Variants in PRELID2 observed in about 807,000 individuals in gnomAD.
The protein encoded by PRELID2 is PRELI domain-containing protein 2.
A neutral mutation model predicts 28.4 loss-of-function variants in PRELID2; 25 were observed. The observed-to-expected ratio is 0.88, with a 90% CI of 0.64 to 1.23. The LOEUF is 1.23. Among genes scored for constraint, PRELID2 ranks in the 50% most tolerant of loss-of-function variants. The pLI is 0.00. For missense variants in PRELID2, 201 were observed against 214.4 expected (o/e 0.94, Z 0.39); for synonymous variants, 76 against 71.6 (o/e 1.06, Z -0.31).
the PRELID2 span, among the ~76,000 whole-genome samples, chr5:145,429,178 A>G: frequency 1.1e-3 from 172 of 152,268 alleles, no homozygotes; most frequent in African/African-American, 3.9e-3. Flanking sequence ...TGGGATAGAA[A>G]CCTATTGCAA....
At chr5:145,780,288 A>G (rs909000893) in intron 5 of PRELID2, among the ~76,000 whole-genome samples, 1 of 152,114 alleles carries the variant, frequency 6.6e-6, no homozygotes, top group African/African-American at 2.4e-5. Context: ...ACAAAGTGAG[A>G]CTCCGCCTCA....
chr5:145,724,062 A>G (rs951908261), intron 1 of PRELID2, among the ~76,000 whole-genome samples: 1 of 152,218 alleles, frequency 6.6e-6, no homozygotes, highest in African/African-American at 2.4e-5. Context: ...TAAGTTCAGC[A>G]TATATTGATA....
the PRELID2 span, among the ~76,000 whole-genome samples, chr5:145,318,642 C>A: frequency 6.6e-6 from 1 of 152,162 alleles, no homozygotes; most frequent in Non-Finnish European, 1.5e-5. Flanking sequence ...GGGGAGCATG[C>A]AGATGGGCAG....
the PRELID2 span, among the ~76,000 whole-genome samples, chr5:145,345,269 C>G: frequency 6.6e-6 from 1 of 151,950 alleles, no homozygotes; most frequent in Non-Finnish European, 1.5e-5. Flanking sequence ...GGGAATAGGA[C>G]AGCCCCTCTC....
chr5:145,457,659 G>A, the PRELID2 span, among the ~76,000 whole-genome samples: 1 of 152,146 alleles, frequency 6.6e-6, no homozygotes, highest in Admixed American at 6.5e-5. Context: ...TACTGCCACA[G>A]GTCTAAAGGA....
At chr5:145,387,020 T>A in the PRELID2 span, among the ~76,000 whole-genome samples, 3 of 152,196 alleles carry the variant, frequency 2.0e-5, no homozygotes, top group Non-Finnish European at 4.4e-5. Flanking sequence ...CATAGCTTTA[T>A]TATGTATGAT....
intron 1 of PRELID2, among the ~76,000 whole-genome samples, chr5:145,721,698 T>C (rs1654243): frequency 0.18 from 27,976 of 151,968 alleles, 2,978 homozygotes; most frequent in African/African-American, 0.29. Flanking sequence ...AAAGCCAGGA[T>C]GTATATAAGA....
the PRELID2 span, among the ~76,000 whole-genome samples, chr5:145,332,954 A>G: frequency 6.6e-6 from 1 of 151,900 alleles, no homozygotes; most frequent in Non-Finnish European, 1.5e-5. Context: ...GGGTTTTTGT[A>G]TGGACGTCCT....
At chr5:145,357,252 C>G in the PRELID2 span, among the ~76,000 whole-genome samples, 1 of 152,100 alleles carries the variant, frequency 6.6e-6, no homozygotes, top group African/African-American at 2.4e-5. Context: ...CACAGAGGTT[C>G]TCTGCATTTC....
intron 5 of PRELID2, among the ~76,000 whole-genome samples, chr5:145,791,160 T>G (rs1327357005): frequency 6.6e-6 from 1 of 151,964 alleles, no homozygotes; most frequent in African/African-American, 2.4e-5. Flanking sequence ...GAGGAGCAAG[T>G]CACGTCTTAC....
the PRELID2 span, among the ~76,000 whole-genome samples, chr5:145,316,646 A>G: frequency 6.6e-6 from 1 of 152,214 alleles, no homozygotes; most frequent in African/African-American, 2.4e-5. Flanking sequence ...GGTGAATTCT[A>G]TATTTACTGA....
At chr5:145,733,459 G>T (rs1342532936) in intron 1 of PRELID2, among the ~76,000 whole-genome samples, 1 of 152,080 alleles carries the variant, frequency 6.6e-6, no homozygotes, top group Admixed American at 6.6e-5. Context: ...TCTTAAAGTG[G>T]AAAAGCTTTA....
intron 1 of PRELID2, among the ~76,000 whole-genome samples, chr5:145,720,037 A>G (rs1755945754): frequency 6.6e-6 from 1 of 152,000 alleles, no homozygotes; most frequent in Admixed American, 6.6e-5. Context: ...GAGGAAATGA[A>G]GAAAAGCAGA....
chr5:145,700,155 G>A (rs1013429666), intron 1 of PRELID2, among the ~76,000 whole-genome samples: 2 of 151,732 alleles, frequency 1.3e-5, no homozygotes, highest in Non-Finnish European at 2.9e-5. Flanking sequence ...TTCTCAAAGT[G>A]TCATCAGAAC....
At chr5:145,710,250 A>G (rs1278499162) in intron 1 of PRELID2, among the ~76,000 whole-genome samples, 3 of 152,156 alleles carry the variant, frequency 2.0e-5, no homozygotes, top group Non-Finnish European at 4.4e-5. Context: ...GTATAAAAAT[A>G]TTTACTATCT....
rs34006513 is a variant in PRELID2, at chr5:145,758,116, G to A, written c.*2420C>T. Reference sequence around the variant, plus strand: ...GCAAACATGTTTTTTGTTTTGGCCAGCACAATGTTTTAAACAATTCTGAAT... The same window carrying A: ...GCAAACATGTTTTTTGTTTTGGCCAACACAATGTTTTAAACAATTCTGAAT... On this transcript the variant is annotated 3_prime_UTR_variant, in exon 7 of 7. Coordinates refer to ENST00000683046, the MANE Select transcript of PRELID2 (RefSeq NM_205846.3). Among the ~76,000 whole-genome samples, 1,408 of 152,188 alleles carry A rather than the reference G, an allele frequency of 9.3e-3. 15 individuals carry two copies. Among genetic ancestry groups the A allele is most frequent in the Middle Eastern group, 0.031 (9 of 294 alleles).
intron 1 of PRELID2, among the ~76,000 whole-genome samples, chr5:145,630,674 A>C (rs1033592829): frequency 6.6e-6 from 1 of 152,170 alleles, no homozygotes; most frequent in South Asian, 2.1e-4. Flanking sequence ...GAGTGAAAAG[A>C]GGTACTATTC....
chr5:145,495,574 T>C (rs1475448663), intron 1 of PRELID2, among the ~76,000 whole-genome samples: 1 of 152,168 alleles, frequency 6.6e-6, no homozygotes, highest in African/African-American at 2.4e-5. Flanking sequence ...TTTAAAAATG[T>C]TTCATATTAG....
At chr5:145,811,392 G>A (rs114482351) in intron 4 of PRELID2, among the ~76,000 whole-genome samples, 2,284 of 152,144 alleles carry the variant, frequency 0.015, 41 homozygotes, top group African/African-American at 0.047. Context: ...AGGCTCAAGC[G>A]ATCCCCCTAC....
Sources: gnomAD v4.1 joint callset for allele counts (sites outside exome capture counted in the v4.1 genomes callset) on GRCh38, gnomAD v4.1.1 for gene constraint, MANE v1.5 for transcripts, NCBI Gene and HGNC (gene_info 2026-07-23, HGNC 2026-07-21) for gene names.